The following HDAC3 variants were observed in gnomAD, a reference collection of about 807,000 sequenced individuals.
HDAC3 encodes the protein histone deacetylase 3.
HDAC3 carries 21 observed loss-of-function variants against 62.3 expected under a neutral mutation model. The ratio of observed to expected loss-of-function variants is 0.34; its 90% CI spans 0.24 to 0.49. HDAC3 has a LOEUF of 0.49. HDAC3 is among the 20% of genes least tolerant of loss of function. The probability of loss-of-function intolerance (pLI) is 0.99; values close to 1 mark genes in which losing one functional copy is unlikely to be tolerated. For missense variants in HDAC3, 270 were observed against 556.9 expected, an observed-to-expected ratio of 0.48 and a Z score of 5.19; for synonymous variants, 198 against 206.5, an observed-to-expected ratio of 0.96 and a Z score of 0.35.
Position 141,621,401 on chromosome 5 carries a change from CCTTT to C in HDAC3, c.*63_*66del, listed in dbSNP as rs2099903686. ...GACCCCCAGGACTCTAGGAGCCACT[CCTTT>C]TCCCTCCAGCCCAACCAAGAGGTGA... On this transcript the variant is annotated 3_prime_UTR_variant, in exon 15 of 15. Transcript: ENST00000305264. 4 of 1,452,842 alleles carry C rather than the reference CCTTT, an allele frequency of 2.8e-6. No individual in the cohort carries two copies. Among genetic ancestry groups the C allele is most frequent in the African/African-American group, 1.4e-5 (1 of 71,622 alleles). The allele number at this position is 1,452,842 out of a possible 1,614,324, so 90.0% of individuals were successfully genotyped here.
At position 141,626,584 on chromosome 5, in the gene HDAC3, A is replaced by G. The variant is rs896976194; in HGVS notation, c.831-301T>C. On this transcript the variant is annotated intron_variant, in intron 10 of 14. Transcript: ENST00000305264. This position sits in a 1 kb window ranked among gnomAD's most constrained non-coding sequence, Gnocchi z 4.6. ...TTCTGTCAATTCTAGCCTTGAAAAT[A>G]TAACTCACGCCCGGCGCGGTGCTCA... 7.9e-6 allele frequency: 3 copies of G among 377,698 alleles called. No homozygotes were observed. Among genetic ancestry groups the G allele is most frequent in the Admixed American group, 3.7e-5 (1 of 26,680 alleles). The allele number at this position is 377,698 out of a possible 1,614,324, so 23.4% of individuals were successfully genotyped here. A position where few individuals can be genotyped will look rare whatever the true frequency, so the allele number is the denominator to read the frequency against.
At position 141,636,754 on chromosome 5, in the gene HDAC3, C is replaced by T. The variant is rs2099906077; in HGVS notation, c.37G>A (p.Val13Met). ...TCCTCACCGTAGTGGAAGTTGCCCA[C>T]GTCGGGGTCGTAGAAATAGGCCACG... is the stretch of plus-strand genomic sequence containing the variant. ...KTVAYFYDPD[V>M]GNFHYGAGHP... The change falls in exon 1 of 15, where the codon GTG becomes ATG. Residue 13 changes from valine to methionine, a missense_variant. This residue lies in a region of HDAC3 where 22 missense variants were observed against 21.3 expected (regional missense o/e 1.03). Coordinates refer to ENST00000305264, the MANE Select transcript of HDAC3 (RefSeq NM_003883.4). 1.2e-6 allele frequency: 2 copies of T among 1,614,070 alleles called. No individual in the cohort carries two copies. Among genetic ancestry groups the T allele is most frequent in the Non-Finnish European group, 1.7e-6 (2 of 1,179,920 alleles).
chr5:141,628,270 G>C lies in HDAC3; in HGVS notation c.692-83C>G. 2 of 1,216,496 alleles carry C rather than the reference G, an allele frequency of 1.6e-6. No individual in the cohort carries two copies. The highest frequency in any genetic ancestry group is 2.4e-6 in the Non-Finnish European group (2 of 826,898). 75.4% of individuals were successfully genotyped at this position (1,216,496 alleles called of 1,614,324 possible). On this transcript the variant is annotated intron_variant, in intron 8 of 14. Coordinates refer to ENST00000305264, the MANE Select transcript of HDAC3 (RefSeq NM_003883.4). This position sits in a 1 kb window ranked among gnomAD's most constrained non-coding sequence, Gnocchi z 4.7. ...CAAAAGGAAAAAGGGGGTTGAGCGA[G>C]CATGTAGCCCAGGAAAGGGGCCACC... is the stretch of plus-strand genomic sequence containing the variant.
Position 141,626,616 on chromosome 5 carries a change from TGTA to T in HDAC3, c.831-336_831-334del. ...ACGCCCGGCGCGGTGCTCACGCCTT[TGTA>T]GTAGTCCCAGCTACTCAGGAGGCTG... On this transcript the variant is annotated intron_variant, in intron 10 of 14. Coordinates refer to ENST00000305264, the MANE Select transcript of HDAC3 (RefSeq NM_003883.4). The surrounding 1 kb of genome is among the most constrained non-coding windows in gnomAD (Gnocchi z 4.6). 1 of 309,678 alleles carries T rather than the reference TGTA, an allele frequency of 3.2e-6. No homozygotes were observed. The highest frequency in any genetic ancestry group is 3.2e-5 in the South Asian group (1 of 31,356). The allele number at this position is 309,678 out of a possible 1,614,324, so 19.2% of individuals were successfully genotyped here.
intron 3 of HDAC3, among the ~76,000 whole-genome samples, chr5:141,631,780 A>G (rs972901400): frequency 1.3e-5 from 2 of 152,234 alleles, no homozygotes; most frequent in African/African-American, 4.8e-5. Flanking sequence ...GTAAAAGGAA[A>G]CAATAATAGA....
chr5:141,636,513 ACCC>A, intron 2 of HDAC3, 32 bp downstream of exon 2: 1 of 1,563,754 alleles, frequency 6.4e-7, no homozygotes. Flanking sequence ...AGCTCGCCCC[ACCC>A]CCCAACCCCC....
Position 141,636,559 on chromosome 5 carries a change from T to C in HDAC3, c.127A>G (p.Lys43Glu). Residue 43 changes from lysine (K) to glutamate (E), a missense_variant, in exon 2 of 15, where the codon AAG becomes GAG. Lys to Glu is a moderately conservative substitution (Grantham distance 56). Transcript: ENST00000305264. ...HSLVLHYGLY[K>E]KMIVFKPYQA... Reference sequence around the variant, plus strand: ...GCGGCGGAACTCACGATCATCTTCTTATAGAGACCGTAATGCAGGACCAGG... The same window carrying C: ...GCGGCGGAACTCACGATCATCTTCTCATAGAGACCGTAATGCAGGACCAGG... 1.9e-6 allele frequency: 3 copies of C among 1,613,648 alleles called. No homozygotes were observed. The highest frequency in any genetic ancestry group is 2.5e-6 in the Non-Finnish European group (3 of 1,179,746).
chr5:141,630,194 A>C, intron 3 of HDAC3, 69 bp from the exon 4 acceptor site: 1 of 1,383,572 alleles, frequency 7.2e-7, no homozygotes, highest in Non-Finnish European at 1.0e-6. Flanking sequence ...CTCCCTCCCC[A>C]TCCTAGATTC....
rs952743030 is a variant in HDAC3 at position 141,625,624 on chromosome 5, G to C, written c.1059+61C>G. On this transcript the variant is annotated intron_variant, in intron 13 of 14. Coordinates refer to ENST00000305264, the MANE Select transcript of HDAC3 (RefSeq NM_003883.4). The surrounding 1 kb of genome is among the most constrained non-coding windows in gnomAD (Gnocchi z 4.0). Reference sequence around the variant, plus strand: ...GGTTTTTCCTACTTCCCACATCTTTGACCTCTCCTGGGCTCCACCTTTCAG... The same window carrying C: ...GGTTTTTCCTACTTCCCACATCTTTCACCTCTCCTGGGCTCCACCTTTCAG... 12 of 1,502,864 alleles carry C rather than the reference G, an allele frequency of 8.0e-6. No homozygotes were observed. The highest frequency in any genetic ancestry group is 1.1e-5 in the Non-Finnish European group (12 of 1,078,886). The allele number at this position is 1,502,864 out of a possible 1,614,324, so 93.1% of individuals were successfully genotyped here.
chr5:141,634,787 T>A (rs1190228897), intron 3 of HDAC3, 24 bp downstream of exon 3: 9 of 1,611,514 alleles, frequency 5.6e-6, no homozygotes, highest in Non-Finnish European at 7.6e-6. Flanking sequence ...CTGTTAGACA[T>A]CAAAACTCCC....
At chr5:141,634,552 C>A (rs1384656965) in intron 3 of HDAC3, among the ~76,000 whole-genome samples, 2 of 152,202 alleles carry the variant, frequency 1.3e-5, no homozygotes, top group Non-Finnish European at 2.9e-5. Context: ...CATAATCTGT[C>A]ATACACCTCC....
chr5:141,633,419 TAA>T (rs960065619), intron 3 of HDAC3, among the ~76,000 whole-genome samples: 8 of 152,198 alleles, frequency 5.3e-5, no homozygotes, highest in Non-Finnish European at 7.3e-5. Context: ...TATGTTTTTT[TAA>T]AAGAGTATCA....
At chr5:141,627,342 T>A (rs903219869) in intron 10 of HDAC3, among the ~76,000 whole-genome samples, 2 of 152,140 alleles carry the variant, frequency 1.3e-5, no homozygotes, top group Non-Finnish European at 2.9e-5. Context: ...CCTCTGGAAG[T>A]GTTGGGATTA....
chr5:141,625,385 ACAGAGTGAGCAGTTTC>A lies in HDAC3; in HGVS notation c.1060-36_1060-21del. On this transcript the variant is annotated intron_variant, in intron 13 of 14. Transcript: ENST00000305264. This position sits in a 1 kb window ranked among gnomAD's most constrained non-coding sequence, Gnocchi z 4.0. The stretch of plus-strand genomic sequence containing the variant: ...CAGATACTGGTTGGAAATGAGGAAT[ACAGAGTGAGCAGTTTC>A]CAGAGATTCCCAGGACATGGAATCT... The A allele has an allele frequency of 6.2e-7, 1 of 1,613,486 alleles. No homozygotes were observed. The highest frequency in any genetic ancestry group is 1.1e-5 in the South Asian group (1 of 90,996).
rs1296421729 is a variant in HDAC3, at chr5:141,621,371, G to A, written c.*97C>T. 2 of 1,116,914 alleles carry A rather than the reference G, an allele frequency of 1.8e-6. No homozygotes were observed. Among genetic ancestry groups the A allele is most frequent in the East Asian group, 4.7e-5 (2 of 42,376 alleles). 69.2% of individuals were successfully genotyped at this position (1,116,914 alleles called of 1,614,324 possible). ...CTTTCCCAGAGTCAGCAAAAGCCCT[G>A]GGGTGACCCCCAGGACTCTAGGAGC... On this transcript the variant is annotated 3_prime_UTR_variant, in exon 15 of 15. Coordinates refer to ENST00000305264, the MANE Select transcript of HDAC3 (RefSeq NM_003883.4).
chr5:141,622,702 T>C (rs2099903883), intron 14 of HDAC3, among the ~76,000 whole-genome samples: 1 of 152,180 alleles, frequency 6.6e-6, no homozygotes, highest in Admixed American at 6.5e-5. Flanking sequence ...AAAGGCCTTA[T>C]CTGCATGGTG....
Position 141,626,315 on chromosome 5 carries a change from G to C in HDAC3, c.831-32C>G. The C allele has an allele frequency of 2.6e-6, 4 of 1,563,580 alleles. No homozygotes were observed. The highest frequency in any genetic ancestry group is 3.5e-6 in the Non-Finnish European group (4 of 1,134,838). ...AAAGGAACCAGAGGAAGATGTGGAGGAGGTTATCAAAAGACAAGGTAAATA... is the reference window on the plus strand; with the variant it reads ...AAAGGAACCAGAGGAAGATGTGGAGCAGGTTATCAAAAGACAAGGTAAATA... On this transcript the variant is annotated intron_variant, in intron 10 of 14. Coordinates refer to ENST00000305264, the MANE Select transcript of HDAC3 (RefSeq NM_003883.4). This position sits in a 1 kb window ranked among gnomAD's most constrained non-coding sequence, Gnocchi z 4.6.
chr5:141,631,879 AG>A (rs1395191230), intron 3 of HDAC3, among the ~76,000 whole-genome samples: 1 of 152,060 alleles, frequency 6.6e-6, no homozygotes, highest in East Asian at 1.9e-4. Context: ...GTATTACCTA[AG>A]GATTACAGAT....
At chr5:141,621,860 T>C (rs762887705) in intron 14 of HDAC3, among the ~76,000 whole-genome samples, 3 of 152,178 alleles carry the variant, frequency 2.0e-5, no homozygotes, top group African/African-American at 7.2e-5. Context: ...GTACAATTAA[T>C]AAAATGAAGT....
Sources: allele counts gnomAD v4.1 joint callset (sites outside exome capture counted in the v4.1 genomes callset), GRCh38; gene constraint gnomAD v4.1.1; regional missense constraint gnomAD v4.1.1; non-coding constraint Gnocchi (gnomAD v3.1); transcripts MANE v1.5; gene names NCBI Gene and HGNC (gene_info 2026-07-23, HGNC 2026-07-21).